PRRX2: variants seen among roughly 807,000 people sequenced by gnomAD.
PRRX2 encodes the protein paired related homeobox 2, also known as paired mesoderm homeobox protein 2.
Under a neutral mutation model 18.0 loss-of-function variants are expected in PRRX2, and 11 were observed. The ratio of observed to expected loss-of-function variants is 0.61; its 90% confidence interval spans 0.39 to 1.01. The LOEUF (loss-of-function observed/expected upper bound fraction) is 1.01. Ranked by LOEUF, PRRX2 falls within the 50% of genes least tolerant of loss-of-function variation. PRRX2 has a pLI of 0.01. For missense variants in PRRX2, 387 were observed against 351.0 expected, an observed-to-expected ratio of 1.10 and a Z score of -0.82; for synonymous variants, 177 against 154.8, an observed-to-expected ratio of 1.14 and a Z score of -1.06.
chr9:129,688,057 G>A (rs1176066124), intron 1 of PRRX2, among the ~76,000 whole-genome samples: 1 of 152,086 alleles, frequency 6.6e-6, no homozygotes, highest in African/African-American at 2.4e-5. Context: ...CACCACGCCT[G>A]GCTAACTTTT....
chr9:129,670,184 C>T (rs954326593), intron 1 of PRRX2, among the ~76,000 whole-genome samples: 3 of 151,508 alleles, frequency 2.0e-5, no homozygotes, highest in African/African-American at 7.3e-5. Context: ...CTTCTGAAGG[C>T]CGAATCACAT....
intron 1 of PRRX2, among the ~76,000 whole-genome samples, chr9:129,681,167 T>TA (rs1832224491): frequency 6.6e-6 from 1 of 152,286 alleles, no homozygotes; most frequent in Admixed American, 6.5e-5. Flanking sequence ...CTGGGAGAGC[T>TA]GGTTTCAGTG....
chr9:129,677,958 C>CTTTTTTTTTTTTTTTTTT (rs760645440), intron 1 of PRRX2, among the ~76,000 whole-genome samples: 28 of 113,104 alleles, frequency 2.5e-4, no homozygotes, highest in Non-Finnish European at 3.5e-4. Flanking sequence ...TTCTTTCTTT[C>CTTTTTTTTTTTTTTTTTT]TTTTTTTTTT....
intron 1 of PRRX2, among the ~76,000 whole-genome samples, chr9:129,711,496 C>T (rs1055625290): frequency 6.7e-6 from 1 of 150,150 alleles, no homozygotes; most frequent in Non-Finnish European, 1.5e-5. Flanking sequence ...ACCTCCACCT[C>T]CCGGGTTTAA....
At chr9:129,685,354 GTTCAT>G (rs763880677) in intron 1 of PRRX2, among the ~76,000 whole-genome samples, 13 of 152,208 alleles carry the variant, frequency 8.5e-5, no homozygotes, top group Non-Finnish European at 1.6e-4. Flanking sequence ...CTCACTGTTT[GTTCAT>G]TTCCTTTTTT....
At chr9:129,700,409 G>A (rs962317339) in intron 1 of PRRX2, among the ~76,000 whole-genome samples, 15 of 151,586 alleles carry the variant, frequency 9.9e-5, no homozygotes, top group African/African-American at 3.6e-4. Flanking sequence ...CGCAATCTCG[G>A]CTCTCCGCCT....
At chr9:129,691,095 C>T (rs1832355160) in intron 1 of PRRX2, among the ~76,000 whole-genome samples, 1 of 148,232 alleles carries the variant, frequency 6.7e-6, no homozygotes. Flanking sequence ...GAGGCTGAGG[C>T]GGGTGGATCA....
rs3054761 is a variant in PRRX2 at position 129,673,652 on chromosome 9, C to CCACACACACACACACACACA, written c.259+7533_259+7552dup. On this transcript the variant is annotated intron_variant, in intron 1 of 3. Coordinates refer to ENST00000372469, the MANE Select transcript of PRRX2 (RefSeq NM_016307.4). The stretch of plus-strand genomic sequence containing the variant: ...CACACACAGACCCATACCCCCCATG[C>CCACACACACACACACACACA]CACACACACACACACACACACACAC... Among the ~76,000 whole-genome samples, 1,464 of 149,274 alleles carry CCACACACACACACACACACA rather than the reference C, an allele frequency of 9.8e-3. 8 individuals are homozygous for CCACACACACACACACACACA. The highest frequency in any genetic ancestry group is 0.028 in the Middle Eastern group (8 of 286).
chr9:129,699,709 G>C (rs966288610), intron 1 of PRRX2, among the ~76,000 whole-genome samples: 1 of 152,140 alleles, frequency 6.6e-6, no homozygotes, highest in African/African-American at 2.4e-5. Context: ...GTGTGACTGT[G>C]CCATGGCTTT....
At chr9:129,714,390 G>A (rs543303558) in intron 1 of PRRX2, among the ~76,000 whole-genome samples, 1 of 145,858 alleles carries the variant, frequency 6.9e-6, no homozygotes, top group South Asian at 2.2e-4. Flanking sequence ...GGGACAGAGC[G>A]ATACTCTGTC....
At chr9:129,711,157 C>T (rs192798007) in intron 1 of PRRX2, among the ~76,000 whole-genome samples, 19 of 152,260 alleles carry the variant, frequency 1.2e-4, no homozygotes, top group African/African-American at 4.6e-4. Flanking sequence ...GGGCTGGCTT[C>T]CCATGCCGAG....
intron 1 of PRRX2, among the ~76,000 whole-genome samples, chr9:129,666,829 C>CG (rs1171867915): frequency 6.6e-6 from 1 of 152,182 alleles, no homozygotes; most frequent in African/African-American, 2.4e-5. Context: ...AGGGGAGGAC[C>CG]GGAGTCCTCG....
chr9:129,677,300 C>T (rs977634483), intron 1 of PRRX2, among the ~76,000 whole-genome samples: 1 of 152,254 alleles, frequency 6.6e-6, no homozygotes, highest in Non-Finnish European at 1.5e-5. Flanking sequence ...CCTCATCTTA[C>T]AGGCGAGGAA....
At chr9:129,720,573 C>G in intron 2 of PRRX2, 23 bp from the exon 3 acceptor site, 3 of 1,581,434 alleles carry the variant, frequency 1.9e-6, no homozygotes, top group Non-Finnish European at 2.6e-6. Context: ...CATGCTGCAC[C>G]CTGCTCACCC....
chr9:129,719,040 C>T (rs1238305410), intron 1 of PRRX2, among the ~76,000 whole-genome samples, 191 bp from the exon 2 acceptor site: 1 of 152,186 alleles, frequency 6.6e-6, no homozygotes, highest in Non-Finnish European at 1.5e-5. Flanking sequence ...CACACAGGTG[C>T]TCAGTAAATA....
chr9:129,709,343 C>A lies in PRRX2; in HGVS notation c.260-9888C>A, dbSNP rs916844229. On this transcript the variant is annotated intron_variant, in intron 1 of 3. Coordinates refer to ENST00000372469, the MANE Select transcript of PRRX2 (RefSeq NM_016307.4). This position sits in a 1 kb window ranked among gnomAD's most constrained non-coding sequence, Gnocchi z 4.2. ...AGACCCAGATACACCGCAACTGCCT[C>A]CAAGCAGGGCTCTGCTGAGGTTTGT... 1.5e-4 allele frequency among the ~76,000 whole-genome samples: 23 copies of A among 152,210 alleles called. No individual in the cohort carries two copies. The highest frequency in any genetic ancestry group is 3.9e-4 in the African/African-American group (16 of 41,462).
chr9:129,691,893 G>A (rs539852125), intron 1 of PRRX2, among the ~76,000 whole-genome samples: 18 of 151,758 alleles, frequency 1.2e-4, no homozygotes, highest in African/African-American at 3.6e-4. Flanking sequence ...TGTTTGCCCA[G>A]ACTACAGGTA....
At chr9:129,680,131 G>A (rs1182702816) in intron 1 of PRRX2, among the ~76,000 whole-genome samples, 1 of 152,168 alleles carries the variant, frequency 6.6e-6, no homozygotes, top group South Asian at 2.1e-4. Flanking sequence ...GGCAGGCACG[G>A]TGGCTCATGC....
Position 129,708,299 on chromosome 9 carries a change from G to C in PRRX2, c.260-10932G>C, listed in dbSNP as rs552768208. On this transcript the variant is annotated intron_variant, in intron 1 of 3. Coordinates refer to ENST00000372469, the MANE Select transcript of PRRX2 (RefSeq NM_016307.4). ...AGTCCACCTGCCTCGGCCTCTGAAA[G>C]TGCTGGGCTTAAACAGGCCTGAGCC... 3.3e-5 allele frequency among the ~76,000 whole-genome samples: 5 copies of C among 152,332 alleles called. No individual in the cohort carries two copies. The South Asian group carries it at 1.0e-3, about 32-fold the overall frequency.
Sources: allele counts gnomAD v4.1 joint callset (sites outside exome capture counted in the v4.1 genomes callset), GRCh38; gene constraint gnomAD v4.1.1; non-coding constraint Gnocchi (gnomAD v3.1); transcripts MANE v1.5; gene names NCBI Gene and HGNC (gene_info 2026-07-23, HGNC 2026-07-21).